Variants in PKHD1L1 observed in about 807,000 individuals in gnomAD.
PKHD1L1 encodes the protein PKHD1 like 1, also known as fibrocystin-L.
In PKHD1L1, 434 loss-of-function variants were observed where a neutral mutation model predicts 462.9. The ratio of observed to expected loss-of-function variants is 0.94; its 90% CI spans 0.87 to 1.02. The LOEUF (loss-of-function observed/expected upper bound fraction) is 1.02. Ranked by LOEUF, PKHD1L1 falls within the 50% of genes least tolerant of loss-of-function variation. PKHD1L1 has a pLI of 0.00. For missense variants in PKHD1L1, 5,202 were observed against 5,096.1 expected, an observed-to-expected ratio of 1.02 and a Z score of -0.63; for synonymous variants, 1,781 against 1,750.0, an observed-to-expected ratio of 1.02 and a Z score of -0.44.
rs767082953 is a variant in PKHD1L1, at chr8:109,483,053, C to G, written c.9524C>G (p.Thr3175Ser). The change falls in exon 57 of 78, where the codon ACT becomes AGT. Residue 3175 changes from threonine to serine, a missense_variant. Thr to Ser is a moderately conservative substitution (Grantham distance 58). Around this residue, in one of 3 missense-constraint regions of PKHD1L1, gnomAD observed 4,497 missense variants for 4,336.8 expected, o/e 1.04. Coordinates refer to ENST00000378402, the MANE Select transcript of PKHD1L1 (RefSeq NM_177531.6). Reference sequence around the variant, plus strand: ...ATATATAAAACTAAGCTCTCAGAAACTGCATTTGCAGGTTCCAAAGTCCTG... The same window carrying G: ...ATATATAAAACTAAGCTCTCAGAAAGTGCATTTGCAGGTTCCAAAGTCCTG... ...HSIYKTKLSETAFAGSKVLSL... is the reference protein window; with the variant it reads ...HSIYKTKLSESAFAGSKVLSL... 1 of 1,601,598 alleles carries G rather than the reference C, an allele frequency of 6.2e-7. No individual in the cohort carries two copies. Among genetic ancestry groups the G allele is most frequent in the Non-Finnish European group, 8.5e-7 (1 of 1,174,082 alleles).
chr8:109,471,116 A>G, intron 50 of PKHD1L1: 2 of 1,491,282 alleles, frequency 1.3e-6, no homozygotes. Flanking sequence ...CATCTAAACT[A>G]AAACACTCAG....
At position 109,427,058 on chromosome 8, in the gene PKHD1L1, G is replaced by A; in HGVS notation, c.2902G>A (p.Gly968Arg). The A allele has an allele frequency of 6.2e-7, 1 of 1,613,726 alleles. No individual in the cohort carries two copies. Among genetic ancestry groups the A allele is most frequent in the South Asian group, 1.1e-5 (1 of 91,086 alleles). The change falls in exon 25 of 78, where the codon GGA (glycine) becomes AGA (arginine). Residue 968 changes from glycine to arginine, a missense_variant. Physicochemically the swap from Gly to Arg is moderately radical, Grantham distance 125. Around this residue, in one of 3 missense-constraint regions of PKHD1L1, gnomAD observed 4,497 missense variants for 4,336.8 expected, o/e 1.04. Transcript: ENST00000378402. ...GCAGTTTGCACTCCAGAGTCTGGAG[G>A]GAATGGGAAGAATCTCAGTTACACG... ...DLQFALQSLE[G>R]MGRISVTREG...
At chr8:109,436,510 A>G (rs1160482476) in intron 30 of PKHD1L1, 51 bp downstream of exon 30, 2 of 1,599,180 alleles carry the variant, frequency 1.3e-6, no homozygotes, top group Non-Finnish European at 1.7e-6. Context: ...GAAATCTTAT[A>G]AATTAGGAAA....
chr8:109,432,301 T>C (rs79269400), intron 27 of PKHD1L1, among the ~76,000 whole-genome samples: 1,622 of 152,276 alleles, frequency 0.011, 33 homozygotes, highest in African/African-American at 0.036. Flanking sequence ...ATTTATTCCA[T>C]TATGGTCAAC....
chr8:109,496,829 G>C (rs1475378173), intron 63 of PKHD1L1, 90 bp from the exon 64 acceptor site: 3 of 1,373,214 alleles, frequency 2.2e-6, no homozygotes, highest in South Asian at 1.5e-5. Flanking sequence ...ATTTTGAAAA[G>C]AATTTTGTTA....
chr8:109,472,085 A>AT (rs59624587), intron 50 of PKHD1L1, among the ~76,000 whole-genome samples: 75,830 of 151,494 alleles, frequency 0.5, 19,268 homozygotes, highest in South Asian at 0.67. Flanking sequence ...AATTGTGTTT[A>AT]TTTTTTAAAA....
chr8:109,411,816 A>G (rs1343541895), intron 19 of PKHD1L1, among the ~76,000 whole-genome samples: 2 of 152,140 alleles, frequency 1.3e-5, no homozygotes, highest in Non-Finnish European at 2.9e-5. Flanking sequence ...TGATGCTTTT[A>G]TGTGAGTTAG....
intron 2 of PKHD1L1, among the ~76,000 whole-genome samples, chr8:109,370,559 C>A (rs1048702181): frequency 1.3e-5 from 2 of 151,134 alleles, no homozygotes; most frequent in African/African-American, 4.9e-5. Context: ...GCACAACGTG[C>A]AGGTTTGTTA....
At chr8:109,511,196 A>AT (rs1025852496) in intron 71 of PKHD1L1, among the ~76,000 whole-genome samples, 11 of 151,970 alleles carry the variant, frequency 7.2e-5, no homozygotes, top group African/African-American at 1.9e-4. Flanking sequence ...CTAAATTTTT[A>AT]TTTTTTTATT....
At chr8:109,396,798 C>T (rs947867390) in intron 11 of PKHD1L1, among the ~76,000 whole-genome samples, 1 of 152,188 alleles carries the variant, frequency 6.6e-6, no homozygotes, top group African/African-American at 2.4e-5. Context: ...TATTGCTAGG[C>T]AGGGGACAGG....
At chr8:109,434,559 C>T (rs555791321) in intron 28 of PKHD1L1, among the ~76,000 whole-genome samples, 24 of 152,148 alleles carry the variant, frequency 1.6e-4, no homozygotes, top group African/African-American at 4.3e-4. Flanking sequence ...ACCTCTGCCT[C>T]CCAGGTTCAA....
intron 2 of PKHD1L1, among the ~76,000 whole-genome samples, chr8:109,366,945 G>C (rs1811264383): frequency 6.6e-6 from 1 of 152,028 alleles, no homozygotes. Flanking sequence ...GCCCACCTCA[G>C]CCTCCCAAAG....
intron 21 of PKHD1L1, among the ~76,000 whole-genome samples, chr8:109,415,864 GGTGTGTGTGTGTGT>G (rs552265043): frequency 4.8e-4 from 48 of 100,420 alleles, no homozygotes; most frequent in Admixed American, 7.2e-4. Context: ...AAAAAAAAGG[GGTGTGTGTGTGTGT>G]GTGTGTGTGT....
At chr8:109,506,096 G>T (rs991336338) in intron 68 of PKHD1L1, among the ~76,000 whole-genome samples, 6 of 152,102 alleles carry the variant, frequency 3.9e-5, no homozygotes, top group Admixed American at 3.9e-4. Context: ...GAATCTTTCA[G>T]ATTCAACATA....
intron 14 of PKHD1L1, among the ~76,000 whole-genome samples, chr8:109,401,985 A>T (rs1348783807): frequency 6.6e-6 from 1 of 152,154 alleles, no homozygotes; most frequent in Non-Finnish European, 1.5e-5. Flanking sequence ...TGTATTTGTT[A>T]TTAACTGGTT....
At chr8:109,434,760 C>T (rs376628116) in intron 28 of PKHD1L1, among the ~76,000 whole-genome samples, 79 of 152,258 alleles carry the variant, frequency 5.2e-4, no homozygotes, top group African/African-American at 1.7e-3. Flanking sequence ...TGAGCCACCG[C>T]GCCTGCCCTT....
chr8:109,419,054 A>G, intron 21 of PKHD1L1, 43 bp from the exon 22 acceptor site: 1 of 1,509,094 alleles, frequency 6.6e-7, no homozygotes, highest in Non-Finnish European at 9.0e-7. Context: ...TTGCTTAAAC[A>G]TTACCACTGA....
In PKHD1L1 at chr8:109,461,809, T is replaced by G; in HGVS notation, c.7284T>G (p.Phe2428Leu). 6.2e-7 allele frequency: 1 copy of G among 1,609,762 alleles called. No homozygotes were observed. The highest frequency in any genetic ancestry group is 8.5e-7 in the Non-Finnish European group (1 of 1,177,932). Residue 2428 changes from phenylalanine to leucine, a missense_variant, in exon 48 of 78, where the codon TTT (phenylalanine) becomes TTG (leucine). By Grantham distance (22) the Phe-to-Leu change is conservative. This residue lies in a region of PKHD1L1 where 4,497 missense variants were observed against 4,336.8 expected (regional missense o/e 1.04). Coordinates refer to ENST00000378402, the MANE Select transcript of PKHD1L1 (RefSeq NM_177531.6). The part of the protein sequence containing the change: ...FATQTCLQGK[F>L]GEEIGSDQFG... ...CACAGACCTGTCTCCAAGGAAAGTT[T>G]GGAGAAGAAATAGGAAGTGACCAAT...
At chr8:109,452,589 C>T (rs988782124) in intron 42 of PKHD1L1, 129 bp from the exon 43 acceptor site, 5 of 473,474 alleles carry the variant, frequency 1.1e-5, no homozygotes, top group Non-Finnish European at 1.5e-5. Flanking sequence ...TAATAAAATG[C>T]TTATTGTTTA....
Sources: allele counts gnomAD v4.1 joint callset (sites outside exome capture counted in the v4.1 genomes callset), GRCh38; gene constraint gnomAD v4.1.1; regional missense constraint gnomAD v4.1.1; transcripts MANE v1.5; gene names NCBI Gene and HGNC (gene_info 2026-07-23, HGNC 2026-07-21).